Variants in NDUFB8 observed in about 807,000 individuals in gnomAD.
NDUFB8 encodes the protein NADH:ubiquinone oxidoreductase subunit B8, also known as NADH dehydrogenase [ubiquinone] 1 beta subcomplex subunit 8, mitochondrial.
A neutral mutation model predicts 26.0 loss-of-function variants in NDUFB8; 17 were observed. The observed-to-expected ratio is 0.65, with a 90% CI of 0.45 to 0.98. The LOEUF is 0.98. Ranked by LOEUF, NDUFB8 falls within the 50% of genes least tolerant of loss-of-function variation. NDUFB8 has a pLI of 0.00. For synonymous variants in NDUFB8, 89 were observed against 93.1 expected (o/e 0.96, Z 0.25); for missense variants, 238 against 255.0 (o/e 0.93, Z 0.45).
intron 2 of NDUFB8, 68 bp from the exon 3 acceptor site, chr10:100,527,142 T>C (rs1182384640): frequency 3.8e-6 from 5 of 1,301,496 alleles, no homozygotes; most frequent in Non-Finnish European, 4.4e-6. Context: ...TCTCCTCATC[T>C]TATAGATGAG....
chr10:100,526,926 CAAG>C, intron 3 of NDUFB8, 46 bp downstream of exon 3: 1 of 1,552,244 alleles, frequency 6.4e-7, no homozygotes, highest in Non-Finnish European at 8.9e-7. Context: ...AAAGAATCGC[CAAG>C]AAGACAAAGA....
In NDUFB8 at chr10:100,524,818, C is replaced by T. The variant is rs1029441287; in HGVS notation, c.469-889G>A. 2.0e-5 allele frequency among the ~76,000 whole-genome samples: 3 copies of T among 152,296 alleles called. No individual in the cohort carries two copies. Among genetic ancestry groups the T allele is most frequent in the East Asian group, 1.9e-4 (1 of 5,178 alleles). ...GCATTCATTATGTCACTTTTCTGTT[C>T]GAAAACCCAAAATGGCTCCCTGCCA... On this transcript the variant is annotated intron_variant, in intron 4 of 4. Coordinates refer to ENST00000299166, the MANE Select transcript of NDUFB8 (RefSeq NM_005004.4). The surrounding 1 kb of genome is among the most constrained non-coding windows in gnomAD (Gnocchi z 4.0).
At chr10:100,527,142 TTATAGA>T in intron 2 of NDUFB8, 68 bp from the exon 3 acceptor site, 1 of 1,301,614 alleles carries the variant, frequency 7.7e-7, no homozygotes, top group Non-Finnish European at 1.1e-6. Flanking sequence ...TCTCCTCATC[TTATAGA>T]TGAGAAACAA....
At position 100,529,439 on chromosome 10, in the gene NDUFB8, G is replaced by A. The variant is rs374858636; in HGVS notation, c.153C>T (p.Ala51=). 1.3e-5 allele frequency: 21 copies of A among 1,612,808 alleles called. No individual in the cohort carries two copies. Among genetic ancestry groups the A allele is most frequent in the Non-Finnish European group, 1.8e-5 (21 of 1,179,620 alleles). The change falls in exon 2 of 5, where the codon GCC becomes GCT. Residue 51 remains alanine (A), a synonymous_variant. Transcript: ENST00000299166. The part of the protein sequence containing the change: ...YPRTPEERAA[A]AKKYNMRVED... ...CCACACGCATATTATACTTCTTGGC[G>A]GCGGCGGCCCGTTCTTCTGGGGTCC... is the stretch of plus-strand genomic sequence containing the variant.
rs145033355 is a variant in NDUFB8 at position 100,523,885 on chromosome 10, G to A, written c.513C>T (p.Gly171=). The A allele has an allele frequency of 9.2e-4, 1,493 of 1,614,106 alleles. 15 individuals carry two copies. In the African/African-American group the frequency reaches 0.018, roughly 19 times the overall value. ...YPYNNLYLER[G]GDPSKEPERV... ...GCTCTGGTTCTTTGGAGGGATCACCGCCTCGTTCCAGGTACAGATTATTGT... is the reference window on the plus strand; with the variant it reads ...GCTCTGGTTCTTTGGAGGGATCACCACCTCGTTCCAGGTACAGATTATTGT... Residue 171 remains glycine (G), a synonymous_variant, in exon 5 of 5, where the codon GGC becomes GGT. Transcript: ENST00000299166.
rs540844608 is a variant in NDUFB8 at position 100,526,865 on chromosome 10, C to T, written c.312+110G>A. ...ATCTCACATCACTGGACCTTGCTTC[C>T]TTGAGCAGGAAAGCTTAGTGTTACT... On this transcript the variant is annotated intron_variant, in intron 3 of 4. Coordinates refer to ENST00000299166, the MANE Select transcript of NDUFB8 (RefSeq NM_005004.4). 4.8e-5 allele frequency: 51 copies of T among 1,073,652 alleles called. No homozygotes were observed. In the South Asian group the frequency reaches 6.7e-4, roughly 14 times the overall value. 66.5% of individuals were successfully genotyped at this position (1,073,652 alleles called of 1,614,324 possible). A position where few individuals can be genotyped will look rare whatever the true frequency, so the allele number is the denominator to read the frequency against.
chr10:100,529,736 C>A (rs975554505), intron 1 of NDUFB8, 31 bp downstream of exon 1: 1 of 1,605,324 alleles, frequency 6.2e-7, no homozygotes, highest in Non-Finnish European at 8.5e-7. Flanking sequence ...TACCCCCTTC[C>A]CACACTGAGG....
In NDUFB8 at chr10:100,529,258, C is replaced by T. The variant is rs1852104751; in HGVS notation, c.212+122G>A. ...CACCTCCCTCCACAGAGAAAAGCAC[C>T]CACTCCATTGACTCTGAGGGGTCAC... On this transcript the variant is annotated intron_variant, in intron 2 of 4. Coordinates refer to ENST00000299166, the MANE Select transcript of NDUFB8 (RefSeq NM_005004.4). 3 of 649,864 alleles carry T rather than the reference C, an allele frequency of 4.6e-6. No homozygotes were observed. The East Asian group carries it at 2.1e-4, about 46-fold the overall frequency. The allele number at this position is 649,864 out of a possible 1,614,324, so 40.3% of individuals were successfully genotyped here.
Position 100,523,754 on chromosome 10 carries a change from G to A in NDUFB8, c.*83C>T. On this transcript the variant is annotated 3_prime_UTR_variant, in exon 5 of 5. Coordinates refer to ENST00000299166, the MANE Select transcript of NDUFB8 (RefSeq NM_005004.4). ...TGAGGCACAAATAACACAGCACTGA[G>A]TTTTATTAGGGATTTCATTAAGGTT... 1 of 1,320,190 alleles carries A rather than the reference G, an allele frequency of 7.6e-7. No homozygotes were observed. The highest frequency in any genetic ancestry group is 1.3e-5 in the South Asian group (1 of 79,348). The allele number at this position is 1,320,190 out of a possible 1,614,324, so 81.8% of individuals were successfully genotyped here.
In NDUFB8 at chr10:100,524,141, T is replaced by A. The variant is rs1367971778; in HGVS notation, c.469-212A>T. 1.9e-6 allele frequency: 3 copies of A among 1,561,590 alleles called. No individual in the cohort carries two copies. On this transcript the variant is annotated intron_variant, in intron 4 of 4. Coordinates refer to ENST00000299166, the MANE Select transcript of NDUFB8 (RefSeq NM_005004.4). This position sits in a 1 kb window ranked among gnomAD's most constrained non-coding sequence, Gnocchi z 4.0. ...ATTGTAAGAGAAGTGGTGCCTACAC[T>A]GTGAGAGAGAAGGAGAAAGGGGGAG... is the stretch of plus-strand genomic sequence containing the variant.
Position 100,523,781 on chromosome 10 carries a change from A to C in NDUFB8, c.*56T>G. 2.0e-6 allele frequency: 3 copies of C among 1,496,152 alleles called. 1 individual carries two copies. In the African/African-American group the frequency reaches 4.2e-5, roughly 21 times the overall value. The allele number at this position is 1,496,152 out of a possible 1,614,324, so 92.7% of individuals were successfully genotyped here. ...TTTATTAGGGATTTCATTAAGGTTA[A>C]ATTTCTAGGAATGAGGGAGTCCTAG... is the stretch of plus-strand genomic sequence containing the variant. On this transcript the variant is annotated 3_prime_UTR_variant, in exon 5 of 5. Transcript: ENST00000299166.
chr10:100,529,352 G>C (rs545206749), intron 2 of NDUFB8, 28 bp downstream of exon 2: 1 of 1,561,066 alleles, frequency 6.4e-7, no homozygotes, highest in South Asian at 1.2e-5. Context: ...ATCACTACTT[G>C]GGTGCGAGCA....
chr10:100,527,773 C>G lies in NDUFB8; in HGVS notation c.213-699G>C, dbSNP rs376276926. Reference sequence around the variant, plus strand: ...GACGGACAACATACACGAAGGGGGTCCCATAAGTTTATAATAAAGCTGCCC... The same window carrying G: ...GACGGACAACATACACGAAGGGGGTGCCATAAGTTTATAATAAAGCTGCCC... On this transcript the variant is annotated intron_variant, in intron 2 of 4. Transcript: ENST00000299166. Among the ~76,000 whole-genome samples the G allele has an allele frequency of 7.2e-5, 11 of 152,150 alleles. No homozygotes were observed. The East Asian group carries it at 1.7e-3, about 24-fold the overall frequency.
intron 3 of NDUFB8, chr10:100,526,768 G>C: frequency 1.4e-6 from 1 of 727,596 alleles, no homozygotes; most frequent in Non-Finnish European, 2.3e-6. Flanking sequence ...CATCATGGAA[G>C]TGCACAACTT....
chr10:100,529,272 C>T, intron 2 of NDUFB8, 108 bp downstream of exon 2: 1 of 1,010,772 alleles, frequency 9.9e-7, no homozygotes, highest in South Asian at 2.0e-5. Context: ...TCCATTGACT[C>T]TGAGGGGTCA....
chr10:100,527,117 T>A (rs1412949352), intron 2 of NDUFB8, 43 bp from the exon 3 acceptor site: 5 of 1,461,850 alleles, frequency 3.4e-6, no homozygotes, highest in Non-Finnish European at 4.8e-6. Flanking sequence ...GTGAGCAGCC[T>A]CAGACAATTC....
intron 3 of NDUFB8, 112 bp from the exon 4 acceptor site, chr10:100,526,666 G>T: frequency 7.7e-7 from 1 of 1,299,938 alleles, no homozygotes; most frequent in Non-Finnish European, 1.1e-6. Flanking sequence ...CTACTGCCCT[G>T]GGACAATATG....
Position 100,524,745 on chromosome 10 carries a change from C to T in NDUFB8, c.469-816G>A, listed in dbSNP as rs1852015813. On this transcript the variant is annotated intron_variant, in intron 4 of 4. Coordinates refer to ENST00000299166, the MANE Select transcript of NDUFB8 (RefSeq NM_005004.4). The surrounding 1 kb of genome is among the most constrained non-coding windows in gnomAD (Gnocchi z 4.0). ...CTCCCTGCTTTCAGCTTCTCTCCTTCCAGTACATCCTGGAGACTACTCCTG... is the reference window on the plus strand; with the variant it reads ...CTCCCTGCTTTCAGCTTCTCTCCTTTCAGTACATCCTGGAGACTACTCCTG... Among the ~76,000 whole-genome samples, 1 of 152,206 alleles carries T rather than the reference C, an allele frequency of 6.6e-6. No homozygotes were observed. The highest frequency in any genetic ancestry group is 1.5e-5 in the Non-Finnish European group (1 of 68,038).
At chr10:100,526,899 G>GTAACTTTAGCTC (rs561098505) in intron 3 of NDUFB8, 76 bp downstream of exon 3, 19,540 of 1,395,688 alleles carry the variant, frequency 0.014, 173 homozygotes, top group Non-Finnish European at 0.018. Context: ...CTTGGTCAAA[G>GTAACTTTAGCTC]AAGTGCCATC....
Sources: allele counts gnomAD v4.1 joint callset (sites outside exome capture counted in the v4.1 genomes callset), GRCh38; gene constraint gnomAD v4.1.1; non-coding constraint Gnocchi (gnomAD v3.1); transcripts MANE v1.5; gene names NCBI Gene and HGNC (gene_info 2026-07-23, HGNC 2026-07-21).